The following ADCY7 variants were observed in gnomAD, a reference collection of about 807,000 sequenced individuals.
ADCY7 encodes adenylate cyclase type 7.
A neutral mutation model predicts 120.6 loss-of-function variants in ADCY7; 72 were observed. That is an observed-to-expected ratio of 0.60 (90% CI 0.49 to 0.73). The LOEUF (loss-of-function observed/expected upper bound fraction) is 0.73. Ranked by LOEUF, ADCY7 falls within the 30% of genes least tolerant of loss-of-function variation. The pLI, the probability that ADCY7 is intolerant of heterozygous loss-of-function variation, is 0.00. For synonymous variants in ADCY7, 661 were observed against 628.0 expected, an observed-to-expected ratio of 1.05 and a Z score of -0.78; for missense variants, 1,227 against 1,486.0, an observed-to-expected ratio of 0.83 and a Z score of 2.87.
In ADCY7 at chr16:50,261,295, C is replaced by T. The variant is rs186550183; in HGVS notation, c.-64+15092C>T. Among the ~76,000 whole-genome samples, 54 of 152,252 alleles carry T rather than the reference C, an allele frequency of 3.5e-4. No homozygotes were observed. In the East Asian group the frequency reaches 9.5e-3, roughly 27 times the overall value. ...ACTGGGGAAGGCTTCCTGGTAGAGG[C>T]GGCACCAGTACCTGGCGGGATGGGT... is the stretch of plus-strand genomic sequence containing the variant. On this transcript the variant is annotated intron_variant, in intron 1 of 4. Transcript: ENST00000564044.
intron 1 of ADCY7, among the ~76,000 whole-genome samples, chr16:50,270,154 G>A (rs979300527): frequency 2.0e-5 from 3 of 151,050 alleles, no homozygotes; most frequent in African/African-American, 7.3e-5. Context: ...TCCACTCTGG[G>A]TAATAGAGCA....
rs576454100 is a variant in ADCY7 at position 50,315,933 on chromosome 16, T to C, written c.*428T>C. On this transcript the variant is annotated 3_prime_UTR_variant, in exon 26 of 26. Coordinates refer to ENST00000673801, the MANE Select transcript of ADCY7 (RefSeq NM_001114.5). ...AGTAAGCTGAGCTGTCTAGCACGGA[T>C]TGGAGACTCCCTCTCCCTGGTGGGC... 22 of 159,256 alleles carry C rather than the reference T, an allele frequency of 1.4e-4. No individual in the cohort carries two copies. The highest frequency in any genetic ancestry group is 6.8e-4 in the Admixed American group (11 of 16,266). 9.9% of individuals were successfully genotyped at this position (159,256 alleles called of 1,614,324 possible).
At chr16:50,281,029 CTT>C (rs2034226889) in intron 1 of ADCY7, among the ~76,000 whole-genome samples, 1 of 152,118 alleles carries the variant, frequency 6.6e-6, no homozygotes, top group South Asian at 2.1e-4. Flanking sequence ...GAATTTCAGT[CTT>C]TGCCCCTGCT....
intron 1 of ADCY7, among the ~76,000 whole-genome samples, chr16:50,256,484 C>T (rs2032920739): frequency 6.6e-6 from 1 of 152,136 alleles, no homozygotes; most frequent in Non-Finnish European, 1.5e-5. Flanking sequence ...AGGAGGATTG[C>T]TTGAGCCTGG....
chr16:50,301,344 GAGTGA>G, intron 10 of ADCY7, 130 bp downstream of exon 10: 1 of 1,264,412 alleles, frequency 7.9e-7, no homozygotes, highest in Non-Finnish European at 1.1e-6. Context: ...GCCTGGGCAG[GAGTGA>G]GCTCCCTGTT....
chr16:50,269,494 G>A (rs1289460120), intron 1 of ADCY7, among the ~76,000 whole-genome samples: 2 of 152,218 alleles, frequency 1.3e-5, no homozygotes, highest in African/African-American at 4.8e-5. Flanking sequence ...GGAGAGAAGA[G>A]GTAGGACGAG....
intron 1 of ADCY7, among the ~76,000 whole-genome samples, chr16:50,254,174 T>C (rs544160441): frequency 1.2e-4 from 18 of 152,254 alleles, no homozygotes; most frequent in African/African-American, 3.9e-4. Context: ...GTGACAAGGT[T>C]TTGACGTTTC....
chr16:50,267,996 G>C (rs972268667), intron 1 of ADCY7, among the ~76,000 whole-genome samples: 9 of 152,266 alleles, frequency 5.9e-5, no homozygotes, highest in Admixed American at 1.3e-4. Flanking sequence ...TGTGGGGGAG[G>C]GGAGGCTCTC....
At chr16:50,270,579 C>T (rs959118628) in intron 1 of ADCY7, among the ~76,000 whole-genome samples, 1 of 152,344 alleles carries the variant, frequency 6.6e-6, no homozygotes, top group South Asian at 2.1e-4. Context: ...TGGAAGTGTG[C>T]GTCACTGTCG....
intron 12 of ADCY7, 59 bp from the exon 13 acceptor site, chr16:50,305,444 C>T (rs2035994649): frequency 6.7e-7 from 1 of 1,486,528 alleles, no homozygotes; most frequent in Non-Finnish European, 9.4e-7. Context: ...TCCACACCCT[C>T]CTCTGGGAGA....
intron 1 of ADCY7, among the ~76,000 whole-genome samples, chr16:50,273,167 G>A (rs577795396): frequency 6.6e-6 from 1 of 152,294 alleles, no homozygotes; most frequent in Admixed American, 6.5e-5. Context: ...GGTACTTGCT[G>A]TGTGCCCACA....
chr16:50,308,305 G>C, intron 15 of ADCY7, 22 bp from the exon 16 acceptor site: 1 of 1,614,212 alleles, frequency 6.2e-7, no homozygotes, highest in Non-Finnish European at 8.5e-7. Context: ...AGGCAGAACT[G>C]AGGTTCTTCC....
intron 1 of ADCY7, among the ~76,000 whole-genome samples, chr16:50,283,597 A>G (rs1596875323): frequency 6.6e-6 from 1 of 152,092 alleles, no homozygotes; most frequent in Non-Finnish European, 1.5e-5. Context: ...AGCATGAAAT[A>G]CCCTCCTCCC....
chr16:50,270,092 G>A (rs1366386543), intron 1 of ADCY7, among the ~76,000 whole-genome samples: 6 of 152,086 alleles, frequency 3.9e-5, no homozygotes, highest in Admixed American at 3.9e-4. Context: ...CAGGAGGATT[G>A]CTTGAGCCCA....
chr16:50,293,558 C>G (rs190016227), intron 6 of ADCY7, 56 bp downstream of exon 6: 6 of 1,581,440 alleles, frequency 3.8e-6, no homozygotes, highest in Non-Finnish European at 5.2e-6. Flanking sequence ...ACCGTTCCAC[C>G]GGCCCCCAGG....
intron 1 of ADCY7, among the ~76,000 whole-genome samples, chr16:50,271,499 A>T (rs1202544972): frequency 1.3e-5 from 2 of 152,090 alleles, no homozygotes; most frequent in South Asian, 4.1e-4. Context: ...CTGTGTTAGG[A>T]TGGGGTGGGG....
intron 1 of ADCY7, among the ~76,000 whole-genome samples, chr16:50,251,784 C>T (rs989312370): frequency 1.3e-5 from 2 of 152,168 alleles, no homozygotes; most frequent in Admixed American, 6.5e-5. Context: ...GCCTGGCCTC[C>T]GGGGGCTCCC....
intron 3 of ADCY7, 78 bp downstream of exon 3, chr16:50,290,738 C>A: frequency 4.8e-6 from 7 of 1,459,468 alleles, no homozygotes; most frequent in Non-Finnish European, 6.5e-6. Context: ...ATGCCACAGG[C>A]CCTTCGTGCC....
chr16:50,305,892 C>G, intron 14 of ADCY7, 43 bp downstream of exon 14: 2 of 1,597,382 alleles, frequency 1.3e-6, no homozygotes, highest in Non-Finnish European at 1.7e-6. Context: ...GACGGGGTCT[C>G]CAGGCCTGGG....
Sources: gnomAD v4.1 joint callset for allele counts (sites outside exome capture counted in the v4.1 genomes callset) on GRCh38, gnomAD v4.1.1 for gene constraint, MANE v1.5 for transcripts, NCBI Gene and HGNC (gene_info 2026-07-23, HGNC 2026-07-21) for gene names.